The following DIP2C variants were observed in gnomAD, a reference collection of about 807,000 sequenced individuals.
DIP2C encodes the protein DIP2 acetate--CoA ligase C (putative).
In DIP2C, 33 loss-of-function variants were observed where a neutral mutation model predicts 192.4. The observed-to-expected ratio is 0.17, with a 90% CI of 0.13 to 0.23. DIP2C has a LOEUF of 0.23. DIP2C is among the 10% of genes least tolerant of loss of function. The probability of loss-of-function intolerance (pLI) is 1.00; values close to 1 mark genes in which losing one functional copy is unlikely to be tolerated. For synonymous variants in DIP2C, 979 were observed against 864.1 expected (o/e 1.13, Z -2.33); for missense variants, 1,537 against 2,110.1 (o/e 0.73, Z 5.32).
chr10:372,121 G>A (rs1961037010), intron 17 of DIP2C, among the ~76,000 whole-genome samples: 2 of 149,960 alleles, frequency 1.3e-5, no homozygotes, highest in South Asian at 2.1e-4. Flanking sequence ...TGTCACCCAG[G>A]CTGCAGTGCA....
intron 24 of DIP2C, among the ~76,000 whole-genome samples, chr10:354,669 C>T (rs1589585684): frequency 6.6e-6 from 1 of 152,080 alleles, no homozygotes; most frequent in Non-Finnish European, 1.5e-5. Flanking sequence ...GCTGACTCTG[C>T]CCCTGACTGC....
chr10:554,525 C>T (rs375416860), intron 1 of DIP2C, among the ~76,000 whole-genome samples: 1 of 152,208 alleles, frequency 6.6e-6, no homozygotes, highest in Non-Finnish European at 1.5e-5. Context: ...AAATACTTCA[C>T]AAAACCTTGG....
chr10:357,428 T>G (rs1038102340), intron 23 of DIP2C, among the ~76,000 whole-genome samples: 23 of 152,188 alleles, frequency 1.5e-4, no homozygotes, highest in African/African-American at 5.1e-4. Context: ...AAGGAGTAGT[T>G]CAGGGGACCG....
chr10:604,965 G>A (rs1564257548), intron 1 of DIP2C, among the ~76,000 whole-genome samples: 1 of 152,290 alleles, frequency 6.6e-6, no homozygotes, highest in East Asian at 1.9e-4. Context: ...AGGGTGCGGG[G>A]AAAAGGCCAT....
chr10:541,454 ACC>A (rs1240988889), intron 1 of DIP2C, among the ~76,000 whole-genome samples: 1 of 141,048 alleles, frequency 7.1e-6, no homozygotes, highest in Admixed American at 7.1e-5. Context: ...TCTCTCCTGG[ACC>A]CCCCCGAGTG....
chr10:395,305 C>T (rs1963900116), intron 10 of DIP2C, among the ~76,000 whole-genome samples: 2 of 151,912 alleles, frequency 1.3e-5, no homozygotes, highest in Admixed American at 1.3e-4. Context: ...AAATGTCTTA[C>T]CATAAAAAAT....
At chr10:568,533 C>A (rs938431832) in intron 1 of DIP2C, among the ~76,000 whole-genome samples, 8 of 151,830 alleles carry the variant, frequency 5.3e-5, no homozygotes, top group Admixed American at 4.6e-4. Flanking sequence ...TTTGGGAGGC[C>A]GAGACGGGCG....
intron 1 of DIP2C, among the ~76,000 whole-genome samples, chr10:530,002 C>T (rs1314676334): frequency 1.3e-5 from 2 of 152,256 alleles, no homozygotes; most frequent in Non-Finnish European, 2.9e-5. Context: ...CCTGGACGTC[C>T]ACCTTGCCGA....
intron 17 of DIP2C, among the ~76,000 whole-genome samples, chr10:370,426 G>A (rs893498480): frequency 2.0e-5 from 3 of 152,150 alleles, no homozygotes; most frequent in African/African-American, 4.8e-5. Flanking sequence ...CCCTCTCCCT[G>A]TCTCCAGGGG....
At position 349,226 on chromosome 10, in the gene DIP2C, C is replaced by T. The variant is rs766877307; in HGVS notation, c.3109+105G>A. 6.6e-4 allele frequency: 976 copies of T among 1,478,880 alleles called. 1 individual carries two copies. The Middle Eastern group carries it at 7.4e-3, about 11-fold the overall frequency. The allele number at this position is 1,478,880 out of a possible 1,614,324, so 91.6% of individuals were successfully genotyped here. A position where few individuals can be genotyped will look rare whatever the true frequency, so the allele number is the denominator to read the frequency against. ...GCTGGATACAGTGCAGACTCCCAGC[C>T]ATGACGCGACCCTCGGCTCAGGCAC... On this transcript the variant is annotated intron_variant, in intron 25 of 36. Transcript: ENST00000280886.
At chr10:490,630 T>A (rs912208205) in intron 1 of DIP2C, among the ~76,000 whole-genome samples, 5 of 152,232 alleles carry the variant, frequency 3.3e-5, no homozygotes, top group African/African-American at 4.8e-5. Context: ...CAGCATATTT[T>A]CCTGCTTCCA....
intron 2 of DIP2C, among the ~76,000 whole-genome samples, chr10:485,952 C>T (rs538240714): frequency 3.3e-5 from 5 of 152,314 alleles, no homozygotes; most frequent in African/African-American, 4.8e-5. Flanking sequence ...AATCTGCACA[C>T]GTAGAAACGC....
intron 3 of DIP2C, among the ~76,000 whole-genome samples, chr10:452,760 A>C (rs981060042): frequency 6.6e-6 from 1 of 152,170 alleles, no homozygotes; most frequent in Admixed American, 6.5e-5. Flanking sequence ...GCTACTGAGG[A>C]GGTCTCTTAT....
intron 1 of DIP2C, among the ~76,000 whole-genome samples, chr10:537,793 ATT>A (rs11290099): frequency 8.9e-4 from 133 of 148,672 alleles, no homozygotes; most frequent in African/African-American, 3.1e-3. Flanking sequence ...TCGTCTGCGA[ATT>A]TTTTTTTTTC....
chr10:642,511 G>T (rs78961929), intron 1 of DIP2C, among the ~76,000 whole-genome samples: 83 of 152,370 alleles, frequency 5.4e-4, no homozygotes, highest in African/African-American at 2.0e-3. Context: ...CAATCAAGCA[G>T]CTTAAGTCAA....
intron 1 of DIP2C, among the ~76,000 whole-genome samples, chr10:497,865 T>C (rs182313837): frequency 2.0e-5 from 3 of 152,306 alleles, no homozygotes; most frequent in Non-Finnish European, 2.9e-5. Flanking sequence ...GGAAAACATA[T>C]GTCATGAGAT....
At position 563,538 on chromosome 10, in the gene DIP2C, G is replaced by A. The variant is rs982788455; in HGVS notation, c.86-77008C>T. Among the ~76,000 whole-genome samples, 20 of 152,280 alleles carry A rather than the reference G, an allele frequency of 1.3e-4. 1 individual carries two copies. Among genetic ancestry groups the A allele is most frequent in the African/African-American group, 4.6e-4 (19 of 41,540 alleles). On this transcript the variant is annotated intron_variant, in intron 1 of 36. Coordinates refer to ENST00000280886, the MANE Select transcript of DIP2C (RefSeq NM_014974.3). ...CATCCCAAACTAAGCACCCATCACA[G>A]TATTTCCAACTCGCAGGAAAGCTAG...
At chr10:563,488 T>G (rs1489998462) in intron 1 of DIP2C, among the ~76,000 whole-genome samples, 3 of 152,252 alleles carry the variant, frequency 2.0e-5, no homozygotes, top group Non-Finnish European at 4.4e-5. Flanking sequence ...AATGGCATAG[T>G]AGCTAGGCAT....
intron 36 of DIP2C, 138 bp downstream of exon 36, chr10:281,062 A>G: frequency 8.1e-7 from 1 of 1,237,366 alleles, no homozygotes; most frequent in South Asian, 1.5e-5. Flanking sequence ...CAAAAGATAA[A>G]GATTTATAGT....
Sources: gnomAD v4.1 joint callset for allele counts (sites outside exome capture counted in the v4.1 genomes callset) on GRCh38, gnomAD v4.1.1 for gene constraint, MANE v1.5 for transcripts, NCBI Gene and HGNC (gene_info 2026-07-23, HGNC 2026-07-21) for gene names.